Variants in PIBF1 observed in about 807,000 individuals in gnomAD.
PIBF1 encodes the protein progesterone-induced-blocking factor 1.
Under a neutral mutation model 112.5 loss-of-function variants are expected in PIBF1, and 90 were observed. The observed-to-expected ratio is 0.80, with a 90% confidence interval of 0.67 to 0.95. PIBF1 has a LOEUF of 0.95. Ranked by LOEUF, PIBF1 falls within the 40% of genes least tolerant of loss-of-function variation. PIBF1 has a pLI of 0.00. For synonymous variants in PIBF1, 301 were observed against 288.6 expected, an observed-to-expected ratio of 1.04 and a Z score of -0.44; for missense variants, 915 against 852.3, an observed-to-expected ratio of 1.07 and a Z score of -0.92.
chr13:72,856,966 A>C (rs2038450295), intron 10 of PIBF1, among the ~76,000 whole-genome samples: 1 of 152,186 alleles, frequency 6.6e-6, no homozygotes, highest in South Asian at 2.1e-4. Flanking sequence ...TTATGCCTTC[A>C]TGTGAAGTTC....
At chr13:72,842,001 A>G (rs1485916902) in intron 9 of PIBF1, among the ~76,000 whole-genome samples, 1 of 152,204 alleles carries the variant, frequency 6.6e-6, no homozygotes, top group Non-Finnish European at 1.5e-5. Context: ...ATTATTTATC[A>G]TTAGAAGATA....
chr13:72,968,271 T>TTTGTTG (rs74223523), intron 15 of PIBF1, among the ~76,000 whole-genome samples: 50,276 of 150,844 alleles, frequency 0.33, 8,646 homozygotes, highest in Middle Eastern at 0.39. Context: ...GTTTTGGGGT[T>TTTGTTG]TTGTTGTTGT....
At chr13:72,948,372 TTCC>T (rs2042205189) in intron 14 of PIBF1, among the ~76,000 whole-genome samples, 2 of 152,164 alleles carry the variant, frequency 1.3e-5, no homozygotes, top group South Asian at 4.1e-4. Context: ...TCCCAAGAAG[TTCC>T]TCATCTCCAT....
At chr13:72,853,708 A>G (rs907459665) in intron 9 of PIBF1, among the ~76,000 whole-genome samples, 1 of 152,210 alleles carries the variant, frequency 6.6e-6, no homozygotes, top group African/African-American at 2.4e-5. Context: ...TGGGACATTT[A>G]TTAACCTCCC....
chr13:72,892,475 T>C (rs560676098), intron 10 of PIBF1, among the ~76,000 whole-genome samples: 2 of 152,218 alleles, frequency 1.3e-5, no homozygotes, highest in African/African-American at 4.8e-5. Flanking sequence ...TTAAAAAGCA[T>C]TTTAAAGTTT....
At chr13:72,934,119 A>G (rs1418411094) in intron 14 of PIBF1, among the ~76,000 whole-genome samples, 4 of 152,132 alleles carry the variant, frequency 2.6e-5, no homozygotes, top group African/African-American at 9.7e-5. Flanking sequence ...TATTTAAAGT[A>G]TTCTATGGAC....
intron 13 of PIBF1, among the ~76,000 whole-genome samples, chr13:72,918,532 C>T (rs1275357809): frequency 2.0e-5 from 3 of 151,366 alleles, no homozygotes; most frequent in Non-Finnish European, 4.4e-5. Flanking sequence ...GGACTACAGG[C>T]GTGCACCACC....
At chr13:72,892,905 A>G (rs1230238338) in intron 10 of PIBF1, among the ~76,000 whole-genome samples, 3 of 152,074 alleles carry the variant, frequency 2.0e-5, no homozygotes, top group Non-Finnish European at 4.4e-5. Flanking sequence ...AGCACTTACC[A>G]TTGAATTTTC....
rs2040626547 is a variant in PIBF1 at position 72,904,630 on chromosome 13, A to G, written c.1489-3901A>G. Among the ~76,000 whole-genome samples the G allele has an allele frequency of 2.0e-5, 3 of 151,082 alleles. No homozygotes were observed. The South Asian group carries it at 6.3e-4, about 32-fold the overall frequency. Reference sequence around the variant, plus strand: ...TAATTTTTGTATTTTTAGTAGAGACAGGGTTTTGCCGTGTTGGCCATGCTG... The same window carrying G: ...TAATTTTTGTATTTTTAGTAGAGACGGGGTTTTGCCGTGTTGGCCATGCTG... On this transcript the variant is annotated intron_variant, in intron 11 of 17. Coordinates refer to ENST00000326291, the MANE Select transcript of PIBF1 (RefSeq NM_006346.4).
Position 72,871,518 on chromosome 13 carries a change from C to T in PIBF1, c.1322+17363C>T, listed in dbSNP as rs550497226. 1.8e-4 allele frequency among the ~76,000 whole-genome samples: 28 copies of T among 152,238 alleles called. No homozygotes were observed. The South Asian group carries it at 5.8e-3, about 32-fold the overall frequency. On this transcript the variant is annotated intron_variant, in intron 10 of 17. Transcript: ENST00000326291. Reference sequence around the variant, plus strand: ...ATAGGGTTTCCCCATGTTGGCCAGGCTGGTCTTGAACTCCTGACCTTGTGA... The same window carrying T: ...ATAGGGTTTCCCCATGTTGGCCAGGTTGGTCTTGAACTCCTGACCTTGTGA...
At chr13:72,800,047 A>G (rs1235047154) in intron 5 of PIBF1, among the ~76,000 whole-genome samples, 1 of 152,186 alleles carries the variant, frequency 6.6e-6, no homozygotes, top group Non-Finnish European at 1.5e-5. Context: ...AGCTTTATTT[A>G]TTTATTTAAA....
rs1194656852 is a variant in PIBF1 at position 72,900,887 on chromosome 13, T to C, written c.1488+6938T>C. Among the ~76,000 whole-genome samples the C allele has an allele frequency of 2.0e-5, 3 of 152,162 alleles. No homozygotes were observed. The South Asian group carries it at 6.2e-4, about 32-fold the overall frequency. On this transcript the variant is annotated intron_variant, in intron 11 of 17. Transcript: ENST00000326291. ...AAAAGACAAAATTAGCCAGGTGTGG[T>C]GGTGCATGCCTGTAATCCCAGCTAC...
chr13:72,925,281 A>C (rs2041440655), intron 13 of PIBF1, among the ~76,000 whole-genome samples: 1 of 152,164 alleles, frequency 6.6e-6, no homozygotes, highest in African/African-American at 2.4e-5. Context: ...GTTTATCTAT[A>C]AGGTTAGCAA....
At chr13:72,967,028 C>G (rs879831951) in intron 15 of PIBF1, among the ~76,000 whole-genome samples, 2 of 151,790 alleles carry the variant, frequency 1.3e-5, no homozygotes, top group South Asian at 2.1e-4. Flanking sequence ...CTCTGCCTCC[C>G]GGGTTCAAGT....
At chr13:73,013,194 G>T (rs564068064) in intron 17 of PIBF1, among the ~76,000 whole-genome samples, 3 of 150,720 alleles carry the variant, frequency 2.0e-5, no homozygotes, top group Admixed American at 2.0e-4. Flanking sequence ...CCAGCTACTC[G>T]GGAGGCTGAG....
intron 14 of PIBF1, among the ~76,000 whole-genome samples, chr13:72,941,562 T>C (rs2042008567): frequency 6.6e-6 from 1 of 152,222 alleles, no homozygotes; most frequent in African/African-American, 2.4e-5. Context: ...TTTTCTACTG[T>C]AAGCACGCAG....
intron 13 of PIBF1, among the ~76,000 whole-genome samples, chr13:72,922,197 G>A (rs1274707253): frequency 6.6e-6 from 1 of 151,786 alleles, no homozygotes; most frequent in East Asian, 1.9e-4. Flanking sequence ...AGGCTGGTCT[G>A]GAGCTCCTGG....
At chr13:72,782,850 G>C (rs1464014322) in intron 1 of PIBF1, among the ~76,000 whole-genome samples, 2 of 150,902 alleles carry the variant, frequency 1.3e-5, no homozygotes, top group Non-Finnish European at 2.9e-5. Context: ...GACATTTAAG[G>C]CCTTCCAGTC....
rs992565046 is a variant in PIBF1 at position 72,909,593 on chromosome 13, C to T, written c.1639+912C>T. On this transcript the variant is annotated intron_variant, in intron 12 of 17. Transcript: ENST00000326291. ...CACCTCAACCTCTGCCTCCCGGTTT[C>T]AAGCGATTCTTCTGCCTCAGCCTCC... 4.6e-5 allele frequency among the ~76,000 whole-genome samples: 7 copies of T among 151,534 alleles called. No homozygotes were observed. The East Asian group carries it at 1.4e-3, about 29-fold the overall frequency.
Sources: allele counts gnomAD v4.1 joint callset (sites outside exome capture counted in the v4.1 genomes callset), GRCh38; gene constraint gnomAD v4.1.1; transcripts MANE v1.5; gene names NCBI Gene and HGNC (gene_info 2026-07-23, HGNC 2026-07-21).